Variants in STAT5B observed in about 807,000 individuals in gnomAD.
STAT5B encodes transcription factor STAT5B.
A neutral mutation model predicts 107.8 loss-of-function variants in STAT5B; 21 were observed. The observed-to-expected ratio is 0.19, with a 90% CI of 0.14 to 0.28. The LOEUF (loss-of-function observed/expected upper bound fraction) is 0.28. Among genes scored for constraint, STAT5B ranks in the 10% least tolerant of loss-of-function variants. STAT5B has a pLI of 1.00. For synonymous variants in STAT5B, 325 were observed against 401.7 expected (o/e 0.81, Z 2.28); for missense variants, 565 against 1,008.2 (o/e 0.56, Z 5.95).
Position 42,243,655 on chromosome 17 carries a change from T to C in STAT5B, c.-10-11518A>G, listed in dbSNP as rs182843251. ...GTATATGCGAGTACTCATTGTTCTA[T>C]TCTTTCCACTTTTAAGTCATGTACA... On this transcript the variant is annotated intron_variant, in intron 1 of 18. Coordinates refer to ENST00000293328, the MANE Select transcript of STAT5B (RefSeq NM_012448.4). Among the ~76,000 whole-genome samples, 302 of 152,320 alleles carry C rather than the reference T, an allele frequency of 2.0e-3. 1 individual carries two copies. Among genetic ancestry groups the C allele is most frequent in the African/African-American group, 6.9e-3 (285 of 41,566 alleles).
chr17:42,201,781 C>A lies in STAT5B; in HGVS notation c.2321G>T (p.Gly774Val). Residue 774 changes from glycine (G) to valine (V), a missense_variant, in exon 19 of 19, where the codon GGC becomes GTC. This residue lies in a region of STAT5B where 76 missense variants were observed against 110.2 expected (regional missense o/e 0.69). Coordinates refer to ENST00000293328, the MANE Select transcript of STAT5B (RefSeq NM_012448.4). Reference protein sequence around the residue: ...DVARRVEELLGRPMDSQWIPH... With the variant: ...DVARRVEELLVRPMDSQWIPH... ...GATCCACTGACTGTCCATTGGCCGG[C>A]CCAGGAGCTCCTCCACACGCCGCGC... 6.2e-7 allele frequency: 1 copy of A among 1,614,104 alleles called. No individual in the cohort carries two copies. Among genetic ancestry groups the A allele is most frequent in the Non-Finnish European group, 8.5e-7 (1 of 1,180,016 alleles).
the STAT5B span, among the ~76,000 whole-genome samples, chr17:42,286,979 AT>A: frequency 6.6e-6 from 1 of 152,048 alleles, no homozygotes; most frequent in Non-Finnish European, 1.5e-5. Context: ...CCCCTGCCAA[AT>A]CCATTGCTCA....
At chr17:42,215,889 T>C (rs2080167457) in intron 12 of STAT5B, 125 bp downstream of exon 12, 2 of 1,102,864 alleles carry the variant, frequency 1.8e-6, no homozygotes, top group Non-Finnish European at 2.7e-6. Flanking sequence ...CCCAAAGTGC[T>C]GGGATTACAA....
chr17:42,227,026 T>C (rs571117671), intron 3 of STAT5B, among the ~76,000 whole-genome samples: 12 of 148,764 alleles, frequency 8.1e-5, no homozygotes, highest in Admixed American at 6.7e-4. Flanking sequence ...TCCCAGCTAC[T>C]TGAGAGGCTG....
At chr17:42,245,118 C>T (rs1412335097) in intron 1 of STAT5B, among the ~76,000 whole-genome samples, 11 of 141,538 alleles carry the variant, frequency 7.8e-5, no homozygotes, top group Non-Finnish European at 1.5e-4. Flanking sequence ...CACTCTGTCA[C>T]CCAGGTTGGA....
At position 42,202,976 on chromosome 17, in the gene STAT5B, T is replaced by C. The variant is rs985409541; in HGVS notation, c.2078-168A>G. On this transcript the variant is annotated intron_variant, in intron 16 of 18. Coordinates refer to ENST00000293328, the MANE Select transcript of STAT5B (RefSeq NM_012448.4). Reference sequence around the variant, plus strand: ...GTTTTGTTTTTTGAAACAGTCTCACTCTCTCATCCAGGCTGGAGTACGGTG... The same window carrying C: ...GTTTTGTTTTTTGAAACAGTCTCACCCTCTCATCCAGGCTGGAGTACGGTG... The C allele has an allele frequency of 4.6e-6, 4 of 873,266 alleles. No individual in the cohort carries two copies. In the African/African-American group the frequency reaches 6.6e-5, roughly 15 times the overall value. The allele number at this position is 873,266 out of a possible 1,614,324, so 54.1% of individuals were successfully genotyped here. A position where few individuals can be genotyped will look rare whatever the true frequency, so the allele number is the denominator to read the frequency against.
At chr17:42,217,132 C>T (rs1287103879) in intron 11 of STAT5B, 28 bp downstream of exon 11, 1 of 1,602,264 alleles carries the variant, frequency 6.2e-7, no homozygotes, top group Admixed American at 1.7e-5. Flanking sequence ...CACGCACACG[C>T]ACACGCAGAG....
Position 42,207,645 on chromosome 17 carries a change from T to C in STAT5B, c.1990A>G (p.Asn664Asp). ...TCAGGAAACACGTAGATAAGGTAAT[T>C]CAAGTCTCCCAAGCGGTCGGCTAGG... ...RSLADRLGDL[N>D]YLIYVFPDRP... The change falls in exon 16 of 19, where the codon AAT becomes GAT. Residue 664 changes from asparagine (N) to aspartate (D), a missense_variant. This residue lies in a region of STAT5B where 38 missense variants were observed against 79.5 expected (regional missense o/e 0.48). Transcript: ENST00000293328. 2 of 1,614,152 alleles carry C rather than the reference T, an allele frequency of 1.2e-6. No individual in the cohort carries two copies. Among genetic ancestry groups the C allele is most frequent in the Non-Finnish European group, 1.7e-6 (2 of 1,180,040 alleles).
chr17:42,271,244 T>G (rs2080720198), intron 1 of STAT5B: 1 of 152,226 alleles, frequency 6.6e-6, no homozygotes, highest in African/African-American at 2.4e-5. Context: ...AAACAAGCAA[T>G]GTTAGAAACC....
intron 5 of STAT5B, among the ~76,000 whole-genome samples, chr17:42,222,047 CTGTG>C (rs1218114509): frequency 1.8e-5 from 2 of 109,312 alleles, no homozygotes; most frequent in Non-Finnish European, 3.7e-5. Flanking sequence ...TGTGTGTGTG[CTGTG>C]TGTCTGTGTG....
chr17:42,205,755 A>G (rs1298136309), intron 16 of STAT5B, among the ~76,000 whole-genome samples: 4 of 152,134 alleles, frequency 2.6e-5, no homozygotes, highest in Non-Finnish European at 2.9e-5. Flanking sequence ...ATAAAAATAA[A>G]ATAATTAACC....
chr17:42,280,563 G>T (rs116017070), upstream of STAT5B, among the ~76,000 whole-genome samples: 535 of 152,308 alleles, frequency 3.5e-3, 3 homozygotes, highest in African/African-American at 0.012. Context: ...CATTTGCTAA[G>T]AAAGGGCACT....
rs1216850007 is a variant in STAT5B, at chr17:42,201,029, G to A, written c.*709C>T. ...CCAGAGGAACTGAGTGGCAATTCCA[G>A]GGTGCGGGCGGGCAGGAGGGGAGAG... On this transcript the variant is annotated 3_prime_UTR_variant, in exon 19 of 19. Transcript: ENST00000293328. 1 of 401,178 alleles carries A rather than the reference G, an allele frequency of 2.5e-6. No homozygotes were observed. Among genetic ancestry groups the A allele is most frequent in the Non-Finnish European group, 4.4e-6 (1 of 227,798 alleles). The allele number at this position is 401,178 out of a possible 1,614,324, so 24.9% of individuals were successfully genotyped here. A position where few individuals can be genotyped will look rare whatever the true frequency, so the allele number is the denominator to read the frequency against.
At chr17:42,203,873 C>A (rs778722913) in intron 16 of STAT5B, among the ~76,000 whole-genome samples, 2 of 151,942 alleles carry the variant, frequency 1.3e-5, no homozygotes, top group African/African-American at 4.8e-5. Context: ...GTGATCCACC[C>A]GCCTTGGCCT....
At position 42,262,991 on chromosome 17, in the gene STAT5B, TATATATATATATATATATATATATAA is replaced by T. The variant is rs1252334505; in HGVS notation, c.-11+13231_-11+13256del. Among the ~76,000 whole-genome samples, 378 of 61,070 alleles carry T rather than the reference TATATATATATATATATATATATATAA, an allele frequency of 6.2e-3. 16 individuals are homozygous for T. The highest frequency in any genetic ancestry group is 0.026 in the African/African-American group (300 of 11,700). 40.1% of individuals were successfully genotyped at this position (61,070 alleles called of 152,430 possible). A position where few individuals can be genotyped will look rare whatever the true frequency, so the allele number is the denominator to read the frequency against. On this transcript the variant is annotated intron_variant, in intron 1 of 18. Transcript: ENST00000293328. The stretch of plus-strand genomic sequence containing the variant: ...GTGTGTATATATATATATATATATA[TATATATATATATATATATATATATAA>T]AAAAACAAAAACAATTTTTTTTTTT...
chr17:42,239,381 A>G (rs996046858), intron 1 of STAT5B, among the ~76,000 whole-genome samples: 1 of 152,178 alleles, frequency 6.6e-6, no homozygotes, highest in African/African-American at 2.4e-5. Context: ...CTGACTTTTA[A>G]TAATTAAAGT....
chr17:42,201,309 C>G lies in STAT5B; in HGVS notation c.*429G>C. 1.9e-6 allele frequency: 1 copy of G among 537,060 alleles called. No homozygotes were observed. Among genetic ancestry groups the G allele is most frequent in the South Asian group, 3.0e-5 (1 of 33,516 alleles). The allele number at this position is 537,060 out of a possible 1,614,324, so 33.3% of individuals were successfully genotyped here. A position where few individuals can be genotyped will look rare whatever the true frequency, so the allele number is the denominator to read the frequency against. ...ACAGAGTGACGAAGACTCACTGGAG[C>G]ACATGTGCTTTCTCCTCCCTTTGTC... On this transcript the variant is annotated 3_prime_UTR_variant, in exon 19 of 19. Coordinates refer to ENST00000293328, the MANE Select transcript of STAT5B (RefSeq NM_012448.4).
the STAT5B span, among the ~76,000 whole-genome samples, chr17:42,284,932 G>A: frequency 2.6e-5 from 4 of 152,192 alleles, no homozygotes; most frequent in Non-Finnish European, 5.9e-5. Flanking sequence ...GAAAGGATCC[G>A]TTGAGTTGAA....
the STAT5B span, chr17:42,287,638 A>G: frequency 5.2e-5 from 8 of 152,420 alleles, no homozygotes; most frequent in African/African-American, 1.7e-4. Context: ...TTCTGAAGGT[A>G]GAACCAGCCT....
Sources: gnomAD v4.1 joint callset for allele counts (sites outside exome capture counted in the v4.1 genomes callset) on GRCh38, gnomAD v4.1.1 for gene constraint, gnomAD v4.1.1 regional missense constraint, MANE v1.5 for transcripts, NCBI Gene and HGNC (gene_info 2026-07-23, HGNC 2026-07-21) for gene names.